Variants in THSD7B observed in about 807,000 individuals in gnomAD.
THSD7B encodes thrombospondin type-1 domain-containing protein 7B.
Under a neutral mutation model 213.6 loss-of-function variants are expected in THSD7B, and 138 were observed. That is an observed-to-expected ratio of 0.65 (90% confidence interval 0.56 to 0.74). The LOEUF (loss-of-function observed/expected upper bound fraction) is 0.74. Among genes scored for constraint, THSD7B ranks in the 30% least tolerant of loss-of-function variants. THSD7B has a pLI of 0.00. For missense variants in THSD7B, 1,931 were observed against 1,991.5 expected, an observed-to-expected ratio of 0.97 and a Z score of 0.58; for synonymous variants, 742 against 687.0, an observed-to-expected ratio of 1.08 and a Z score of -1.25.
At chr2:137,414,585 GCA>G (rs1266544160) in intron 14 of THSD7B, among the ~76,000 whole-genome samples, 8 of 152,084 alleles carry the variant, frequency 5.3e-5, no homozygotes, top group African/African-American at 1.9e-4. Flanking sequence ...AGGCATGGTA[GCA>G]TGCATCTGTG....
At chr2:137,061,138 G>A (rs534970813) in intron 3 of THSD7B, among the ~76,000 whole-genome samples, 2 of 151,344 alleles carry the variant, frequency 1.3e-5, no homozygotes, top group African/African-American at 4.8e-5. Context: ...ATTTCATATT[G>A]CAATTGTGCA....
intron 2 of THSD7B, among the ~76,000 whole-genome samples, chr2:137,035,931 C>T (rs1686765945): frequency 6.6e-6 from 1 of 152,070 alleles, no homozygotes; most frequent in Non-Finnish European, 1.5e-5. Context: ...AATCCAAAAG[C>T]AATAGCTTTG....
At chr2:137,142,862 A>T (rs573669212) in intron 5 of THSD7B, among the ~76,000 whole-genome samples, 1 of 152,184 alleles carries the variant, frequency 6.6e-6, no homozygotes, top group African/African-American at 2.4e-5. Flanking sequence ...TGGATATTTG[A>T]TTCTTAATGG....
chr2:136,966,837 T>G (rs1306089061), intron 2 of THSD7B, among the ~76,000 whole-genome samples: 1 of 152,190 alleles, frequency 6.6e-6, no homozygotes, highest in East Asian at 1.9e-4. Flanking sequence ...CTAAGTCCTA[T>G]ACATGTTCCA....
At chr2:137,064,986 T>C (rs1687349463) in intron 3 of THSD7B, among the ~76,000 whole-genome samples, 1 of 151,912 alleles carries the variant, frequency 6.6e-6, no homozygotes, top group Admixed American at 6.6e-5. Flanking sequence ...TCAGGTTAGC[T>C]TTGCCTATTC....
intron 4 of THSD7B, among the ~76,000 whole-genome samples, chr2:137,101,451 T>C (rs755334979): frequency 5.9e-5 from 9 of 152,212 alleles, no homozygotes; most frequent in Non-Finnish European, 4.4e-5. Flanking sequence ...AAAAATTGTT[T>C]AAGAAGCTTT....
intron 2 of THSD7B, among the ~76,000 whole-genome samples, chr2:136,942,916 C>A (rs1406983029): frequency 2.0e-5 from 3 of 152,198 alleles, no homozygotes; most frequent in African/African-American, 7.2e-5. Flanking sequence ...AGAGGACATC[C>A]CTGTCTTGTG....
chr2:137,548,245 G>A (rs1267851308), intron 15 of THSD7B, among the ~76,000 whole-genome samples: 1 of 151,960 alleles, frequency 6.6e-6, no homozygotes, highest in Non-Finnish European at 1.5e-5. Flanking sequence ...AAACTTGAAT[G>A]TGTTCCTAAG....
intron 2 of THSD7B, among the ~76,000 whole-genome samples, chr2:137,033,525 G>A (rs2104854622): frequency 1.3e-5 from 2 of 152,292 alleles, no homozygotes; most frequent in South Asian, 4.1e-4. Flanking sequence ...TGATGGAATT[G>A]TTGTAAAGTC....
intron 1 of THSD7B, among the ~76,000 whole-genome samples, chr2:136,830,547 A>G (rs1682736510): frequency 6.6e-6 from 1 of 152,166 alleles, no homozygotes; most frequent in South Asian, 2.1e-4. Context: ...GTATTTGGAA[A>G]TAGATTTTCA....
intron 15 of THSD7B, among the ~76,000 whole-genome samples, chr2:137,520,171 G>T (rs943425939): frequency 6.6e-6 from 1 of 152,116 alleles, no homozygotes; most frequent in South Asian, 2.1e-4. Context: ...TTGTTGGGTG[G>T]CAGTAGGAAT....
intron 17 of THSD7B, among the ~76,000 whole-genome samples, chr2:137,573,593 C>T (rs1408831007): frequency 6.6e-6 from 1 of 152,014 alleles, no homozygotes; most frequent in Non-Finnish European, 1.5e-5. Flanking sequence ...ATTTGTACTA[C>T]TAAGTCATTT....
At chr2:137,209,065 G>C (rs138818551) in intron 7 of THSD7B, among the ~76,000 whole-genome samples, 1 of 152,016 alleles carries the variant, frequency 6.6e-6, no homozygotes, top group Non-Finnish European at 1.5e-5. Flanking sequence ...TTGCTTTAAG[G>C]TTAAACTATA....
At chr2:137,534,722 T>G (rs1274196218) in intron 15 of THSD7B, among the ~76,000 whole-genome samples, 1 of 151,724 alleles carries the variant, frequency 6.6e-6, no homozygotes, top group African/African-American at 2.4e-5. Context: ...GAGTAATAAA[T>G]GTATCCTTAA....
intron 2 of THSD7B, among the ~76,000 whole-genome samples, chr2:137,008,345 T>C (rs1686155064): frequency 6.6e-6 from 1 of 151,942 alleles, no homozygotes; most frequent in Non-Finnish European, 1.5e-5. Flanking sequence ...TTTGAAAAAA[T>C]TAAATAAAAA....
chr2:137,329,260 G>T (rs1052558315), intron 12 of THSD7B, among the ~76,000 whole-genome samples: 1 of 152,184 alleles, frequency 6.6e-6, no homozygotes, highest in African/African-American at 2.4e-5. Context: ...CTGGAGTAAA[G>T]GTCACTCTTG....
At position 137,656,913 on chromosome 2, in the gene THSD7B, C is replaced by T; in HGVS notation, c.4223C>T (p.Ser1408Phe). 1 of 1,614,026 alleles carries T rather than the reference C, an allele frequency of 6.2e-7. No homozygotes were observed. The highest frequency in any genetic ancestry group is 1.1e-5 in the South Asian group (1 of 91,080). ...QSRSRTFIIQ[S>F]FENQDSCPQQ... ...AGATCAAGGACTTTTATAATTCAGT[C>T]TTTTGAGAACCAAGACAGCTGCCCC... Residue 1408 changes from serine (S) to phenylalanine (F), a missense_variant, in exon 23 of 28, where the codon TCT becomes TTT. Coordinates refer to ENST00000409968, the MANE Select transcript of THSD7B (RefSeq NM_001316349.2).
At chr2:137,427,265 T>A (rs971362760) in intron 14 of THSD7B, among the ~76,000 whole-genome samples, 5 of 152,098 alleles carry the variant, frequency 3.3e-5, no homozygotes, top group Non-Finnish European at 7.4e-5. Context: ...TGAACTAATA[T>A]ATGATTCAGC....
chr2:136,844,233 A>G (rs1339783650), intron 1 of THSD7B, among the ~76,000 whole-genome samples: 1 of 152,182 alleles, frequency 6.6e-6, no homozygotes, highest in Non-Finnish European at 1.5e-5. Context: ...AGAGTGGAGA[A>G]GCCAATCAGT....
Sources: gnomAD v4.1 joint callset for allele counts (sites outside exome capture counted in the v4.1 genomes callset) on GRCh38, gnomAD v4.1.1 for gene constraint, MANE v1.5 for transcripts, NCBI Gene and HGNC (gene_info 2026-07-23, HGNC 2026-07-21) for gene names.